The following CNBD1 variants were observed in gnomAD, a reference collection of about 807,000 sequenced individuals.
CNBD1 encodes cyclic nucleotide-binding domain-containing protein 1.
A neutral mutation model predicts 54.4 loss-of-function variants in CNBD1; 71 were observed. The ratio of observed to expected loss-of-function variants is 1.30; its 90% CI spans 1.08 to 1.59. The LOEUF (loss-of-function observed/expected upper bound fraction) is 1.59, where lower values mean the gene tolerates loss of function less well. Ranked by LOEUF, CNBD1 falls within the 40% of genes most tolerant of loss-of-function variation. The pLI is 0.00. For missense variants in CNBD1, 659 were observed against 518.0 expected (o/e 1.27, Z -2.64); for synonymous variants, 182 against 170.7 (o/e 1.07, Z -0.51).
At chr8:87,236,039 T>C (rs538719942) in intron 5 of CNBD1, among the ~76,000 whole-genome samples, 2 of 152,174 alleles carry the variant, frequency 1.3e-5, no homozygotes, top group East Asian at 1.9e-4. Context: ...TGGCAAGCAT[T>C]TGATGACTTT....
At chr8:87,100,066 G>A (rs1485260583) in intron 4 of CNBD1, among the ~76,000 whole-genome samples, 1 of 152,144 alleles carries the variant, frequency 6.6e-6, no homozygotes, top group African/African-American at 2.4e-5. Context: ...ATATTTTCTT[G>A]GAAGGCAAGT....
chr8:87,279,661 AATT>A (rs940044887), intron 6 of CNBD1, among the ~76,000 whole-genome samples: 2 of 151,200 alleles, frequency 1.3e-5, no homozygotes, highest in African/African-American at 2.4e-5. Flanking sequence ...ATGCAGTAAA[AATT>A]ATTACCTCAA....
chr8:87,329,585 C>G (rs1016571275), intron 8 of CNBD1, among the ~76,000 whole-genome samples: 1 of 151,936 alleles, frequency 6.6e-6, no homozygotes, highest in African/African-American at 2.4e-5. Context: ...TTTATCAGAA[C>G]TTTGTAGTTT....
At chr8:87,186,382 T>C (rs575978986) in intron 4 of CNBD1, among the ~76,000 whole-genome samples, 1 of 152,126 alleles carries the variant, frequency 6.6e-6, no homozygotes, top group Non-Finnish European at 1.5e-5. Flanking sequence ...TTAGCCAATC[T>C]AATCAAGCAC....
At chr8:87,355,853 G>A (rs1220263082) in intron 10 of CNBD1, among the ~76,000 whole-genome samples, 3 of 152,110 alleles carry the variant, frequency 2.0e-5, no homozygotes, top group Non-Finnish European at 4.4e-5. Context: ...TGTTGGAGCT[G>A]CAGCCTAATG....
At chr8:87,268,007 A>G (rs549661816) in intron 6 of CNBD1, among the ~76,000 whole-genome samples, 3 of 152,110 alleles carry the variant, frequency 2.0e-5, no homozygotes, top group Non-Finnish European at 4.4e-5. Flanking sequence ...GGTTTAACAC[A>G]GGCAAATTGC....
At chr8:86,934,780 C>T (rs1407995012) in intron 3 of CNBD1, among the ~76,000 whole-genome samples, 3 of 152,014 alleles carry the variant, frequency 2.0e-5, no homozygotes, top group Non-Finnish European at 4.4e-5. Context: ...GAATAGTATT[C>T]CTGATATATT....
chr8:86,959,425 A>G (rs867189751), intron 4 of CNBD1, among the ~76,000 whole-genome samples: 2 of 152,224 alleles, frequency 1.3e-5, no homozygotes, highest in African/African-American at 2.4e-5. Flanking sequence ...GTTCTCCTCA[A>G]TAATATCCTG....
intron 4 of CNBD1, among the ~76,000 whole-genome samples, chr8:87,102,816 G>T (rs907304454): frequency 2.0e-5 from 3 of 151,596 alleles, no homozygotes; most frequent in African/African-American, 7.3e-5. Flanking sequence ...GGGTTTCACT[G>T]TATTAGCCAG....
At chr8:86,957,021 T>C (rs1312579791) in intron 4 of CNBD1, among the ~76,000 whole-genome samples, 1 of 152,222 alleles carries the variant, frequency 6.6e-6, no homozygotes, top group Non-Finnish European at 1.5e-5. Context: ...CCTAGTTTAT[T>C]GAGAGTTTTT....
intron 10 of CNBD1, among the ~76,000 whole-genome samples, chr8:87,382,093 GT>G (rs1438136244): frequency 6.6e-6 from 1 of 151,324 alleles, no homozygotes; most frequent in African/African-American, 2.4e-5. Flanking sequence ...CTATAAAAAT[GT>G]TATTAAATAA....
intron 4 of CNBD1, among the ~76,000 whole-genome samples, chr8:87,082,197 T>TC (rs917724726): frequency 9.2e-5 from 14 of 151,966 alleles, no homozygotes; most frequent in African/African-American, 2.4e-4. Context: ...CTTGTGACAT[T>TC]CCCCCCGGAC....
intron 4 of CNBD1, among the ~76,000 whole-genome samples, chr8:87,186,708 CTTAT>C (rs891679367): frequency 9.9e-5 from 15 of 151,784 alleles, no homozygotes; most frequent in African/African-American, 2.2e-4. Flanking sequence ...CTTATTTTAA[CTTAT>C]TTATTTAAAT....
At chr8:87,224,786 A>G (rs1385567324) in intron 5 of CNBD1, among the ~76,000 whole-genome samples, 1 of 150,156 alleles carries the variant, frequency 6.7e-6, no homozygotes. Flanking sequence ...GAAGAAAGTC[A>G]TTGGTAGCTT....
chr8:87,092,355 GTGTGTGTGTGTGTATGTA>G (rs1459880543), intron 4 of CNBD1, among the ~76,000 whole-genome samples: 12 of 150,982 alleles, frequency 7.9e-5, no homozygotes, highest in Non-Finnish European at 1.8e-4. Context: ...GTGTGTGTGT[GTGTGTGTGTGTGTATGTA>G]TGTGTGTGTG....
intron 8 of CNBD1, among the ~76,000 whole-genome samples, chr8:87,298,857 C>T (rs930072313): frequency 6.6e-6 from 1 of 152,136 alleles, no homozygotes; most frequent in East Asian, 1.9e-4. Flanking sequence ...TGAACATCTG[C>T]TCTGTGTCAG....
chr8:86,963,834 G>C (rs1214357024), intron 4 of CNBD1, among the ~76,000 whole-genome samples: 1 of 152,126 alleles, frequency 6.6e-6, no homozygotes, highest in Admixed American at 6.6e-5. Flanking sequence ...CAGAGTCAAC[G>C]AAAGGAACCC....
chr8:87,347,738 A>T (rs1429826858), intron 8 of CNBD1, among the ~76,000 whole-genome samples: 1 of 152,144 alleles, frequency 6.6e-6, no homozygotes, highest in Non-Finnish European at 1.5e-5. Flanking sequence ...TGATCTGTAG[A>T]TGGCTCCATA....
Position 86,990,231 on chromosome 8 carries a change from G to T in CNBD1, c.431+50477G>T, listed in dbSNP as rs149234136. Among the ~76,000 whole-genome samples, 361 of 152,150 alleles carry T rather than the reference G, an allele frequency of 2.4e-3. 2 individuals are homozygous for T. Among genetic ancestry groups the T allele is most frequent in the African/African-American group, 8.5e-3 (352 of 41,514 alleles). On this transcript the variant is annotated intron_variant, in intron 4 of 10. Coordinates refer to ENST00000518476, the MANE Select transcript of CNBD1 (RefSeq NM_173538.3). ...TTATTTCATTTGTCCATTTTGCTTCGGTTGTCTGTGTTTGTGGAATATTAC... is the reference window on the plus strand; with the variant it reads ...TTATTTCATTTGTCCATTTTGCTTCTGTTGTCTGTGTTTGTGGAATATTAC...
Sources: gnomAD v4.1 joint callset for allele counts (sites outside exome capture counted in the v4.1 genomes callset) on GRCh38, gnomAD v4.1.1 for gene constraint, MANE v1.5 for transcripts, NCBI Gene and HGNC (gene_info 2026-07-23, HGNC 2026-07-21) for gene names.